Variants in CAPS2 observed in about 807,000 individuals in gnomAD.
CAPS2 encodes calcyphosine 2.
Under a neutral mutation model 86.5 loss-of-function variants are expected in CAPS2, and 98 were observed. The observed-to-expected ratio is 1.13, with a 90% CI of 0.96 to 1.34. CAPS2 has a LOEUF of 1.34. Ranked by LOEUF, CAPS2 falls within the 40% of genes most tolerant of loss-of-function variation. The pLI is 0.00. For synonymous variants in CAPS2, 210 were observed against 225.1 expected (o/e 0.93, Z 0.60); for missense variants, 729 against 686.8 (o/e 1.06, Z -0.69).
At chr12:75,316,583 T>C in intron 5 of CAPS2, 149 bp from the exon 6 acceptor site, 3 of 764,158 alleles carry the variant, frequency 3.9e-6, no homozygotes, top group Non-Finnish European at 5.6e-6. Flanking sequence ...ATTGCTTATA[T>C]TTGAATCCAG....
Position 75,304,750 on chromosome 12 carries a change from T to C in CAPS2, c.779+7A>G. 1.3e-6 allele frequency: 2 copies of C among 1,567,972 alleles called. No homozygotes were observed. The highest frequency in any genetic ancestry group is 1.7e-6 in the Non-Finnish European group (2 of 1,150,226). The stretch of plus-strand genomic sequence containing the variant: ...ATCCTCATTTTATGTAATTAAAATC[T>C]TCTTACTTTGTTTCATGTAGTGTTC... On this transcript the variant is annotated splice_region_variant and intron_variant, in intron 8 of 16. Transcript: ENST00000393284.
At chr12:75,330,172 C>G (rs1468260603), upstream of CAPS2, 1 of 274,246 alleles carries the variant, frequency 3.6e-6, no homozygotes, top group African/African-American at 2.2e-5. Flanking sequence ...CCTCCCGCCC[C>G]CGCCAATCTG....
intron 1 of CAPS2, among the ~76,000 whole-genome samples, chr12:75,385,228 C>A (rs986466072): frequency 6.6e-6 from 1 of 152,050 alleles, no homozygotes; most frequent in Non-Finnish European, 1.5e-5. Flanking sequence ...TATAAATTAC[C>A]CAGTTTCAAG....
At chr12:75,344,931 T>C (rs2042351617) in intron 1 of CAPS2, among the ~76,000 whole-genome samples, 1 of 152,132 alleles carries the variant, frequency 6.6e-6, no homozygotes, top group Non-Finnish European at 1.5e-5. Flanking sequence ...GTTGTCCAGT[T>C]TGGAAAGTGA....
chr12:75,306,121 G>T, intron 7 of CAPS2: 1 of 1,223,294 alleles, frequency 8.2e-7, no homozygotes, highest in South Asian at 1.2e-5. Context: ...TTCCACATTC[G>T]GGAACGTGCG....
chr12:75,305,423 G>C, intron 7 of CAPS2: 2 of 458,864 alleles, frequency 4.4e-6, no homozygotes, highest in Non-Finnish European at 8.2e-6. Flanking sequence ...TGGACGCAGA[G>C]GCTCTTGTCA....
chr12:75,276,999 C>T (rs2033047403), downstream of CAPS2: 1 of 984,156 alleles, frequency 1.0e-6, no homozygotes, highest in Admixed American at 6.2e-5. Context: ...TTTACTATAC[C>T]AAAATCAAAG....
intron 1 of CAPS2, chr12:75,347,828 G>A: frequency 3.6e-6 from 2 of 556,138 alleles, no homozygotes; most frequent in East Asian, 6.4e-5. Flanking sequence ...GATAAGTAAT[G>A]ACTCCCTCTA....
At chr12:75,359,250 G>C (rs1241113937) in intron 1 of CAPS2, among the ~76,000 whole-genome samples, 1 of 149,032 alleles carries the variant, frequency 6.7e-6, no homozygotes, top group Non-Finnish European at 1.5e-5. Context: ...AAAAGAAAGA[G>C]ACATGTACTG....
chr12:75,340,544 T>C (rs2042032690), intron 1 of CAPS2, among the ~76,000 whole-genome samples: 1 of 151,968 alleles, frequency 6.6e-6, no homozygotes, highest in African/African-American at 2.4e-5. Flanking sequence ...ATTTTGATTT[T>C]TATCAAGACC....
At chr12:75,369,099 T>C (rs1401786843) in intron 1 of CAPS2, among the ~76,000 whole-genome samples, 2 of 151,926 alleles carry the variant, frequency 1.3e-5, no homozygotes, top group Non-Finnish European at 2.9e-5. Context: ...AGCATAACAG[T>C]TATATATGTA....
exon 6 of CAPS2, chr12:75,316,398 T>A (rs1331250114): frequency 1.3e-6 from 2 of 1,550,834 alleles, no homozygotes; most frequent in East Asian, 4.9e-5. Flanking sequence ...TCCAGAGTCG[T>A]AAGGTCATCT....
intron 8 of CAPS2, among the ~76,000 whole-genome samples, chr12:75,301,820 T>C (rs1359114943): frequency 6.6e-6 from 1 of 152,210 alleles, no homozygotes; most frequent in Non-Finnish European, 1.5e-5. Context: ...TGTATTTACA[T>C]TATAAAATGC....
chr12:75,335,290 C>G (rs1032215963), intron 1 of CAPS2, among the ~76,000 whole-genome samples: 1 of 152,112 alleles, frequency 6.6e-6, no homozygotes, highest in Admixed American at 6.5e-5. Context: ...AATGGAGATT[C>G]TCTTGTTCTC....
chr12:75,313,230 C>T (rs1441558851), intron 6 of CAPS2, among the ~76,000 whole-genome samples: 2 of 152,104 alleles, frequency 1.3e-5, no homozygotes, highest in African/African-American at 4.8e-5. Flanking sequence ...GGCATCCTTC[C>T]ACTCTATTCC....
chr12:75,316,934 G>T (rs2138908153), intron 5 of CAPS2, among the ~76,000 whole-genome samples: 1 of 152,142 alleles, frequency 6.6e-6, no homozygotes, highest in African/African-American at 2.4e-5. Flanking sequence ...ATTGTTCTTT[G>T]ACTATGCGTT....
intron 1 of CAPS2, among the ~76,000 whole-genome samples, chr12:75,373,232 C>T (rs1221699378): frequency 6.6e-6 from 1 of 152,150 alleles, no homozygotes; most frequent in East Asian, 1.9e-4. Context: ...TGTTCATGAG[C>T]CCATTGGGTG....
chr12:75,317,946 T>A (rs896542549), intron 5 of CAPS2, among the ~76,000 whole-genome samples: 1 of 152,068 alleles, frequency 6.6e-6, no homozygotes, highest in Non-Finnish European at 1.5e-5. Flanking sequence ...CAGAACTTAT[T>A]TATCTTATAA....
chr12:75,321,430 T>C (rs1471441755), exon 5 of CAPS2: 8 of 1,547,456 alleles, frequency 5.2e-6, no homozygotes, highest in African/African-American at 1.4e-5. Context: ...TTGGAGACTG[T>C]TTATGTGTAA....
Sources: gnomAD v4.1 joint callset for allele counts (sites outside exome capture counted in the v4.1 genomes callset) on GRCh38, gnomAD v4.1.1 for gene constraint, MANE v1.5 for transcripts, NCBI Gene and HGNC (gene_info 2026-07-23, HGNC 2026-07-21) for gene names.